SEPTIN9: variants seen among roughly 807,000 people sequenced by gnomAD.
The protein encoded by SEPTIN9 is septin-9.
SEPTIN9 carries 13 observed loss-of-function variants against 56.6 expected under a neutral mutation model. That is an observed-to-expected ratio of 0.23 (90% CI 0.15 to 0.37). The LOEUF is 0.37. SEPTIN9 is among the 10% of genes least tolerant of loss of function. The pLI, the probability that SEPTIN9 is intolerant of heterozygous loss-of-function variation, is 1.00. For synonymous variants in SEPTIN9, 332 were observed against 334.1 expected (o/e 0.99, Z 0.07); for missense variants, 650 against 823.1 (o/e 0.79, Z 2.57).
rs312856 is a variant in SEPTIN9 at position 77,405,516 on chromosome 17, A to G, written c.721+2813A>G. Among the ~76,000 whole-genome samples, 67,496 of 152,026 alleles carry G rather than the reference A, an allele frequency of 0.44. 16,115 individuals are homozygous for G. Among genetic ancestry groups the G allele is most frequent in the African/African-American group, 0.62 (25,614 of 41,462 alleles). On this transcript the variant is annotated intron_variant, in intron 3 of 11. Transcript: ENST00000427177. The surrounding 1 kb of genome is among the most constrained non-coding windows in gnomAD (Gnocchi z 5.8). Reference sequence around the variant, plus strand: ...AACCATCAGCATCCCAGACCCGGCCACCCACGGACAGGGACCTGTGCAGGT... The same window carrying G: ...AACCATCAGCATCCCAGACCCGGCCGCCCACGGACAGGGACCTGTGCAGGT...
At chr17:77,466,092 ACACACACACACACACG>A (rs1273904315) in intron 3 of SEPTIN9, among the ~76,000 whole-genome samples, 1 of 143,492 alleles carries the variant, frequency 7.0e-6, no homozygotes, top group Non-Finnish European at 1.5e-5. Flanking sequence ...ACACACACAC[ACACACACACACACACG>A]AGTAAACTGT....
intron 2 of SEPTIN9, among the ~76,000 whole-genome samples, chr17:77,328,065 G>A (rs1567996023): frequency 6.6e-6 from 1 of 151,174 alleles, no homozygotes; most frequent in Admixed American, 6.6e-5. Flanking sequence ...CCCGTGCCCA[G>A]GGTGTCCCTG....
At chr17:77,338,462 A>G (rs934915934) in intron 2 of SEPTIN9, among the ~76,000 whole-genome samples, 8 of 151,924 alleles carry the variant, frequency 5.3e-5, no homozygotes, top group African/African-American at 1.7e-4. Context: ...TCTATTGCCC[A>G]GGCTGGAGTG....
chr17:77,289,686 G>A (rs1466199110), intron 1 of SEPTIN9, among the ~76,000 whole-genome samples: 5 of 152,226 alleles, frequency 3.3e-5, no homozygotes, highest in Non-Finnish European at 7.3e-5. Flanking sequence ...GGGATTACAG[G>A]CGTGAGCCAC....
At chr17:77,472,030 A>G (rs2039019525) in intron 3 of SEPTIN9, among the ~76,000 whole-genome samples, 3 of 152,150 alleles carry the variant, frequency 2.0e-5, no homozygotes, top group African/African-American at 7.2e-5. Flanking sequence ...CCTGCAGCCT[A>G]AGTTCTGAGA....
At chr17:77,296,722 G>T (rs992577130) in intron 1 of SEPTIN9, among the ~76,000 whole-genome samples, 4 of 152,132 alleles carry the variant, frequency 2.6e-5, no homozygotes, top group Non-Finnish European at 5.9e-5. Flanking sequence ...GCGTGGTGGT[G>T]CATGTCTGTA....
intron 2 of SEPTIN9, among the ~76,000 whole-genome samples, chr17:77,361,851 C>A (rs2034429067): frequency 6.6e-6 from 1 of 152,292 alleles, no homozygotes; most frequent in South Asian, 2.1e-4. Context: ...CCAGGATGGT[C>A]TCGATCTCTT....
chr17:77,362,725 C>T (rs1432909480), intron 2 of SEPTIN9, among the ~76,000 whole-genome samples: 6 of 152,222 alleles, frequency 3.9e-5, no homozygotes, highest in Admixed American at 3.9e-4. Flanking sequence ...ACGTTCGTCA[C>T]ACGCTTGTGG....
rs920256897 is a variant in SEPTIN9 at position 77,371,485 on chromosome 17, C to T, written c.77-30574C>T. Among the ~76,000 whole-genome samples, 2 of 152,208 alleles carry T rather than the reference C, an allele frequency of 1.3e-5. No homozygotes were observed. The highest frequency in any genetic ancestry group is 6.5e-5 in the Admixed American group (1 of 15,288). Reference sequence around the variant, plus strand: ...ACCAGGTGCTTTTTAGAAAAACACTCGAGAATAATGCTGTGGCTTAGGATG... The same window carrying T: ...ACCAGGTGCTTTTTAGAAAAACACTTGAGAATAATGCTGTGGCTTAGGATG... On this transcript the variant is annotated intron_variant, in intron 2 of 11. Transcript: ENST00000427177. This position sits in a 1 kb window ranked among gnomAD's most constrained non-coding sequence, Gnocchi z 4.1.
intron 2 of SEPTIN9, among the ~76,000 whole-genome samples, chr17:77,391,922 G>A (rs417734): frequency 0.29 from 44,507 of 152,056 alleles, 7,585 homozygotes; most frequent in East Asian, 0.63. Context: ...AGGGCTGGCT[G>A]TTGAGGTCAG....
chr17:77,381,953 C>T (rs1282602992), intron 2 of SEPTIN9, among the ~76,000 whole-genome samples: 1 of 152,170 alleles, frequency 6.6e-6, no homozygotes, highest in Non-Finnish European at 1.5e-5. Context: ...TAACCAGAGA[C>T]CGGGGTAGGA....
chr17:77,478,445 G>A (rs1413614677), intron 3 of SEPTIN9, among the ~76,000 whole-genome samples: 2 of 152,138 alleles, frequency 1.3e-5, no homozygotes, highest in East Asian at 1.9e-4. Context: ...CATTCATAGC[G>A]GCTCTGTTCA....
At chr17:77,370,879 C>T (rs544789061) in intron 2 of SEPTIN9, among the ~76,000 whole-genome samples, 2 of 152,116 alleles carry the variant, frequency 1.3e-5, no homozygotes, top group African/African-American at 4.8e-5. Flanking sequence ...AAGGACAGCT[C>T]GGGATATGAT....
chr17:77,479,607 T>C (rs1417951327), intron 3 of SEPTIN9, among the ~76,000 whole-genome samples: 1 of 152,154 alleles, frequency 6.6e-6, no homozygotes, highest in East Asian at 1.9e-4. Context: ...GCAGGATGTT[T>C]GGTTTGATTT....
intron 1 of SEPTIN9, among the ~76,000 whole-genome samples, chr17:77,291,706 A>G (rs2031565350): frequency 6.6e-6 from 1 of 152,038 alleles, no homozygotes; most frequent in South Asian, 2.1e-4. Flanking sequence ...CTGAATTTCC[A>G]GCCTCAAGCG....
rs550869879 is a variant in SEPTIN9 at position 77,421,738 on chromosome 17, C to T, written c.721+19035C>T. Among the ~76,000 whole-genome samples, 9 of 152,312 alleles carry T rather than the reference C, an allele frequency of 5.9e-5. No homozygotes were observed. The highest frequency in any genetic ancestry group is 2.9e-5 in the Non-Finnish European group (2 of 68,024). On this transcript the variant is annotated intron_variant, in intron 3 of 11. Coordinates refer to ENST00000427177, the MANE Select transcript of SEPTIN9 (RefSeq NM_001113491.2). The surrounding 1 kb of genome is among the most constrained non-coding windows in gnomAD (Gnocchi z 4.6). ...TCTTTCCCCAGGCACTTCCTCTCACCGTGCCAGGGTGCAGGTTGCTAGTGG... is the reference window on the plus strand; with the variant it reads ...TCTTTCCCCAGGCACTTCCTCTCACTGTGCCAGGGTGCAGGTTGCTAGTGG...
rs780206395 is a variant in SEPTIN9, at chr17:77,329,387, G to A, written c.76+22190G>A. Among the ~76,000 whole-genome samples, 4 of 152,226 alleles carry A rather than the reference G, an allele frequency of 2.6e-5. No homozygotes were observed. Among genetic ancestry groups the A allele is most frequent in the Admixed American group, 6.5e-5 (1 of 15,294 alleles). On this transcript the variant is annotated intron_variant, in intron 2 of 11. Transcript: ENST00000427177. The surrounding 1 kb of genome is among the most constrained non-coding windows in gnomAD (Gnocchi z 4.3). ...GCTGACAGGTGGCCGGCCCTGCCCA[G>A]CCTTGCACTGCCCTGTGCTGCCCTG...
At chr17:77,446,769 A>G (rs1486739483) in intron 3 of SEPTIN9, 2 of 167,116 alleles carry the variant, frequency 1.2e-5, no homozygotes, top group African/African-American at 4.8e-5. Flanking sequence ...CAGTTTGGGA[A>G]GGGAGAGTTA....
At chr17:77,385,877 C>T (rs1463523834) in intron 2 of SEPTIN9, among the ~76,000 whole-genome samples, 4 of 152,208 alleles carry the variant, frequency 2.6e-5, no homozygotes, top group Non-Finnish European at 4.4e-5. Context: ...GTCCCTGCTC[C>T]AAGGCCCCTG....
Sources: gnomAD v4.1 joint callset for allele counts (sites outside exome capture counted in the v4.1 genomes callset) on GRCh38, gnomAD v4.1.1 for gene constraint, Gnocchi (gnomAD v3.1) non-coding constraint, MANE v1.5 for transcripts, NCBI Gene and HGNC (gene_info 2026-07-23, HGNC 2026-07-21) for gene names.